Variants in A2M observed in about 807,000 individuals in gnomAD.
A2M encodes the protein alpha-2-macroglobulin, also known as C3 and PZP-like alpha-2-macroglobulin domain-containing protein 5.
Under a neutral mutation model 183.9 loss-of-function variants are expected in A2M, and 128 were observed. The ratio of observed to expected loss-of-function variants is 0.70; its 90% CI spans 0.60 to 0.81. A2M has a LOEUF of 0.81. A2M is among the 30% of genes least tolerant of loss of function. A2M has a pLI of 0.00. For synonymous variants in A2M, 592 were observed against 670.8 expected, an observed-to-expected ratio of 0.88 and a Z score of 1.81; for missense variants, 1,495 against 1,787.6, an observed-to-expected ratio of 0.84 and a Z score of 2.95.
At position 9,106,598 on chromosome 12, in the gene A2M, C is replaced by G. The variant is rs754363702; in HGVS notation, c.887G>C (p.Ser296Thr). Residue 296 changes from serine to threonine, a missense_variant, in exon 9 of 36, where the codon AGC becomes ACC. Physicochemically the swap from Ser to Thr is moderately conservative, Grantham distance 58 (BLOSUM62 1). Coordinates refer to ENST00000318602, the MANE Select transcript of A2M (RefSeq NM_000014.6). ...TACTTGCTGATAGAAGCAGCCATGG[C>G]TGTTTAGCTAAGAAGGGAGAAAATA... ...FCEKFSGQLN[S>T]HGCFYQQVKT... 3 of 1,549,578 alleles carry G rather than the reference C, an allele frequency of 1.9e-6. No homozygotes were observed. The highest frequency in any genetic ancestry group is 2.3e-5 in the South Asian group (2 of 85,760).
chr12:9,112,778 C>T, intron 2 of A2M: 1 of 495,130 alleles, frequency 2.0e-6, no homozygotes, highest in Non-Finnish European at 3.7e-6. Flanking sequence ...CACCTTCATA[C>T]AGCTCACAGA....
intron 4 of A2M, chr12:9,111,390 C>T (rs1438219171): frequency 8.1e-6 from 3 of 369,990 alleles, no homozygotes; most frequent in South Asian, 4.3e-5. Flanking sequence ...TGTGGTGCCT[C>T]ATTTTAGACA....
At position 9,090,911 on chromosome 12, in the gene A2M, C is replaced by T. The variant is rs139202469; in HGVS notation, c.2469+290G>A. Among the ~76,000 whole-genome samples, 65 of 152,192 alleles carry T rather than the reference C, an allele frequency of 4.3e-4. 1 individual carries two copies. In the East Asian group the frequency reaches 0.012, roughly 28 times the overall value. On this transcript the variant is annotated intron_variant, in intron 19 of 35. Coordinates refer to ENST00000318602, the MANE Select transcript of A2M (RefSeq NM_000014.6). ...CTACGAAAAGTTAAATATATGAGAT[C>T]GTAGAGGTTGAAACCTTGTAGAATC... is the stretch of plus-strand genomic sequence containing the variant.
intron 25 of A2M, 26 bp from the exon 26 acceptor site, chr12:9,077,883 T>A: frequency 6.2e-7 from 1 of 1,613,904 alleles, no homozygotes; most frequent in Non-Finnish European, 8.5e-7. Flanking sequence ...GCAATCATGA[T>A]GTTTATGTTG....
chr12:9,113,342 T>G lies in A2M; in HGVS notation c.270+18A>C, dbSNP rs1474465146. 2.5e-6 allele frequency: 4 copies of G among 1,610,640 alleles called. No individual in the cohort carries two copies. The highest frequency in any genetic ancestry group is 3.4e-6 in the Non-Finnish European group (4 of 1,178,744). ...GACTAAAAGAACCAAGTATATTAAG[T>G]CAAACAGCCACACTCACAGCGAAGG... is the stretch of plus-strand genomic sequence containing the variant. On this transcript the variant is annotated intron_variant, in intron 2 of 35. Coordinates refer to ENST00000318602, the MANE Select transcript of A2M (RefSeq NM_000014.6).
At position 9,109,999 on chromosome 12, in the gene A2M, A is replaced by G. The variant is rs769417448; in HGVS notation, c.541T>C (p.Phe181Leu). The G allele has an allele frequency of 5.6e-6, 9 of 1,613,634 alleles. No homozygotes were observed. The highest frequency in any genetic ancestry group is 7.6e-6 in the Non-Finnish European group (9 of 1,179,736). Residue 181 changes from phenylalanine (F) to leucine (L), a missense_variant, in exon 6 of 36, where the codon TTC becomes CTC. Phe to Leu is a conservative substitution (Grantham distance 22, BLOSUM62 0). Coordinates refer to ENST00000318602, the MANE Select transcript of A2M (RefSeq NM_000014.6). ...KGNRIAQWQS[F>L]QLEGGLKQFS... ...TGCTTGAGGCCACCCTCTAACTGGA[A>G]ACTCTGCCATTGTGCGATGCGATTT...
rs756706595 is a variant in A2M, at chr12:9,101,680, GAA to G, written c.1267-8_1267-7del. The stretch of plus-strand genomic sequence containing the variant: ...CTACGATCCTTGTAATTGACCTAAT[GAA>G]TTAGAAAAATTATATTATTTTTAGA... On this transcript the variant is annotated splice_region_variant and splice_polypyrimidine_tract_variant and intron_variant, in intron 11 of 35. Coordinates refer to ENST00000318602, the MANE Select transcript of A2M (RefSeq NM_000014.6). 19 of 1,587,084 alleles carry G rather than the reference GAA, an allele frequency of 1.2e-5. 1 individual carries two copies. In the South Asian group the frequency reaches 2.2e-4, roughly 18 times the overall value.
chr12:9,101,082 C>T (rs371259686), intron 13 of A2M, 62 bp downstream of exon 13: 171 of 1,444,124 alleles, frequency 1.2e-4, no homozygotes, highest in Middle Eastern at 5.2e-4. Flanking sequence ...CTGATACTTC[C>T]GTGGTGTAAG....
chr12:9,095,441 C>T, intron 16 of A2M, 98 bp downstream of exon 16: 1 of 1,206,094 alleles, frequency 8.3e-7, no homozygotes. Flanking sequence ...TCCCATTACC[C>T]TCAACTAGGA....
chr12:9,096,974 G>T (rs1376682080), intron 15 of A2M, among the ~76,000 whole-genome samples: 1 of 152,086 alleles, frequency 6.6e-6, no homozygotes, highest in South Asian at 2.1e-4. Context: ...GTGTTTCATT[G>T]GTAAGACACT....
intron 15 of A2M, 65 bp downstream of exon 15, chr12:9,098,542 C>A: frequency 6.6e-7 from 1 of 1,523,982 alleles, no homozygotes; most frequent in South Asian, 1.2e-5. Flanking sequence ...CTTATCCAGT[C>A]ATTTTTCCTT....
chr12:9,088,567 AG>A (rs1949116373), intron 22 of A2M, among the ~76,000 whole-genome samples: 1 of 152,200 alleles, frequency 6.6e-6, no homozygotes, highest in Admixed American at 6.5e-5. Context: ...CTAAATTTGT[AG>A]GTAGTCAGAG....
At chr12:9,073,503 C>T (rs1309067380) in intron 29 of A2M, among the ~76,000 whole-genome samples, 1 of 152,146 alleles carries the variant, frequency 6.6e-6, no homozygotes, top group Non-Finnish European at 1.5e-5. Context: ...TGGCCTCCTT[C>T]AAATAATATG....
At chr12:9,079,924 G>T (rs1317889021) in intron 23 of A2M, 109 bp from the exon 24 acceptor site, 2 of 1,143,024 alleles carry the variant, frequency 1.7e-6, no homozygotes, top group South Asian at 2.1e-5. Flanking sequence ...TTTTAGGAAG[G>T]ATGATTCTTC....
Position 9,093,555 on chromosome 12 carries a change from T to C in A2M, c.2150A>G (p.His717Arg), listed in dbSNP as rs1949275248. ...CTCTTCAACATGCACCAGGCGTGCA[T>C]GGCCTCTTCCCATTACATCTGACTC... ...FYESDVMGRG[H>R]ARLVHVEEPH... is the part of the protein sequence containing the mutation. The change falls in exon 18 of 36, where the codon CAT (histidine) becomes CGT (arginine). Residue 717 changes from histidine to arginine, a missense_variant. Transcript: ENST00000318602. 2 of 1,608,724 alleles carry C rather than the reference T, an allele frequency of 1.2e-6. No homozygotes were observed. Among genetic ancestry groups the C allele is most frequent in the Non-Finnish European group, 1.7e-6 (2 of 1,177,904 alleles).
chr12:9,070,204 C>T (rs961816044), intron 32 of A2M, among the ~76,000 whole-genome samples: 3 of 152,100 alleles, frequency 2.0e-5, no homozygotes, highest in Admixed American at 6.5e-5. Context: ...TTCACTGGTT[C>T]GTGTTCATAT....
In A2M at chr12:9,099,498, G is replaced by T. The variant is rs1361374000; in HGVS notation, c.1584C>A (p.Ile528=). The change falls in exon 14 of 36, where the codon ATC becomes ATA. Residue 528 remains isoleucine, a synonymous_variant. Transcript: ENST00000318602. ...CAGGAGCAATGTCTGACTTCACAGG[G>T]ATTGAGATGGAAAAATGGCCCTTCA... ...EDMKGHFSIS[I]PVKSDIAPVA... is the part of the protein sequence containing the mutation. 6.2e-7 allele frequency: 1 copy of T among 1,609,804 alleles called. No homozygotes were observed. Among genetic ancestry groups the T allele is most frequent in the African/African-American group, 1.3e-5 (1 of 74,860 alleles).
intron 14 of A2M, 121 bp downstream of exon 14, chr12:9,099,260 G>T: frequency 1.1e-6 from 1 of 910,652 alleles, no homozygotes; most frequent in South Asian, 1.7e-5. Context: ...CTACCTTGCT[G>T]AATGTCTCTG....
chr12:9,070,014 A>G (rs1266059495), intron 32 of A2M, among the ~76,000 whole-genome samples: 1 of 152,268 alleles, frequency 6.6e-6, no homozygotes, highest in Non-Finnish European at 1.5e-5. Context: ...ACTAATGTGT[A>G]AAGTTATTTA....
Sources: gnomAD v4.1 joint callset for allele counts (sites outside exome capture counted in the v4.1 genomes callset) on GRCh38, gnomAD v4.1.1 for gene constraint, MANE v1.5 for transcripts, NCBI Gene and HGNC (gene_info 2026-07-23, HGNC 2026-07-21) for gene names.